Variants in AGTRAP observed in about 807,000 individuals in gnomAD.
AGTRAP encodes angiotensin II receptor associated protein.
Under a neutral mutation model 15.2 loss-of-function variants are expected in AGTRAP, and 7 were observed. The ratio of observed to expected loss-of-function variants is 0.46; its 90% CI spans 0.26 to 0.87. AGTRAP has a LOEUF of 0.87. Ranked by LOEUF, AGTRAP falls within the 40% of genes least tolerant of loss-of-function variation. AGTRAP has a pLI of 0.15. For synonymous variants in AGTRAP, 74 were observed against 89.6 expected (o/e 0.83, Z 0.98); for missense variants, 187 against 213.4 (o/e 0.88, Z 0.77).
chr1:11,741,712 G>T (rs923932023), intron 1 of AGTRAP, among the ~76,000 whole-genome samples: 1 of 152,166 alleles, frequency 6.6e-6, no homozygotes, highest in Admixed American at 6.5e-5. Flanking sequence ...GCTGTAAAAT[G>T]GGGATAATAA....
At chr1:11,741,437 G>T (rs1276873169) in intron 1 of AGTRAP, among the ~76,000 whole-genome samples, 2 of 152,346 alleles carry the variant, frequency 1.3e-5, no homozygotes, top group East Asian at 3.9e-4. Context: ...GCACACCTCT[G>T]ACTCCCCAGG....
intron 2 of AGTRAP, among the ~76,000 whole-genome samples, 190 bp from the exon 3 acceptor site, chr1:11,747,250 G>T (rs1336344160): frequency 6.6e-6 from 1 of 152,188 alleles, no homozygotes; most frequent in Non-Finnish European, 1.5e-5. Context: ...AGGTGCTTTG[G>T]ATCTACAGGG....
chr1:11,742,770 G>A (rs1247764536), intron 1 of AGTRAP, among the ~76,000 whole-genome samples: 1 of 152,120 alleles, frequency 6.6e-6, no homozygotes, highest in Admixed American at 6.5e-5. Context: ...GGCTCAAGCA[G>A]TCTTCTCCCT....
In AGTRAP at chr1:11,746,711, ACTTC is replaced by A. The variant is rs17875941; in HGVS notation, c.63-722_63-719del. 1,140 of 161,040 alleles carry A rather than the reference ACTTC, an allele frequency of 7.1e-3. 22 individuals are homozygous for A. The highest frequency in any genetic ancestry group is 0.025 in the African/African-American group (1,031 of 41,724). 10.0% of individuals were successfully genotyped at this position (161,040 alleles called of 1,614,324 possible). ...TCTCTAAAGTGAGGGTAACAATAAT[ACTTC>A]CTTCCTATGGTTATTAACATAAATG... is the stretch of plus-strand genomic sequence containing the variant. On this transcript the variant is annotated intron_variant, in intron 2 of 4. Coordinates refer to ENST00000314340, the MANE Select transcript of AGTRAP (RefSeq NM_020350.5).
intron 4 of AGTRAP, 104 bp from the exon 5 acceptor site, chr1:11,749,973 G>A: frequency 1.6e-5 from 13 of 807,692 alleles, no homozygotes; most frequent in Non-Finnish European, 2.7e-5. Flanking sequence ...GTGTCAGGAT[G>A]CCCAGCCCGA....
chr1:11,742,422 C>G (rs1642053456), intron 1 of AGTRAP, among the ~76,000 whole-genome samples: 1 of 149,536 alleles, frequency 6.7e-6, no homozygotes, highest in Admixed American at 6.7e-5. Context: ...TCCTTTCTTT[C>G]CCTTCTTTCC....
Position 11,748,401 on chromosome 1 carries a change from G to C in AGTRAP, c.169-14G>C. 1 of 1,611,608 alleles carries C rather than the reference G, an allele frequency of 6.2e-7. No individual in the cohort carries two copies. Among genetic ancestry groups the C allele is most frequent in the Non-Finnish European group, 8.5e-7 (1 of 1,178,638 alleles). ...GTGGGGGTGTTGTGCTCATCAGTGT[G>C]GTGTGTCTTGCAGTTTCTGGGTGGC... On this transcript the variant is annotated splice_polypyrimidine_tract_variant and intron_variant, in intron 3 of 4. Coordinates refer to ENST00000314340, the MANE Select transcript of AGTRAP (RefSeq NM_020350.5).
chr1:11,737,930 T>TGTCAG (rs17875915), intron 1 of AGTRAP, among the ~76,000 whole-genome samples: 2,183 of 152,306 alleles, frequency 0.014, 45 homozygotes, highest in African/African-American at 0.038. Flanking sequence ...GGGTCAGGGT[T>TGTCAG]GTCAGGTCGT....
intron 1 of AGTRAP, among the ~76,000 whole-genome samples, chr1:11,737,575 G>C (rs1641929398): frequency 6.6e-6 from 1 of 152,182 alleles, no homozygotes; most frequent in Admixed American, 6.5e-5. Flanking sequence ...CTTCAGCTTA[G>C]ACTGGGTAAA....
chr1:11,744,600 G>T (rs1387721810), intron 1 of AGTRAP: 2 of 714,140 alleles, frequency 2.8e-6, no homozygotes, highest in Non-Finnish European at 5.2e-6. Context: ...TCCCATCGAG[G>T]CCTCTTCTGA....
chr1:11,743,370 G>A (rs1442680423), intron 1 of AGTRAP, among the ~76,000 whole-genome samples: 2 of 150,476 alleles, frequency 1.3e-5, no homozygotes, highest in East Asian at 2.0e-4. Flanking sequence ...CTCAACTTCC[G>A]GAGTAGCTGG....
At chr1:11,740,180 CTT>C (rs770961191) in intron 1 of AGTRAP, among the ~76,000 whole-genome samples, 5 of 152,232 alleles carry the variant, frequency 3.3e-5, no homozygotes, top group Admixed American at 6.5e-5. Context: ...TCCTGTGTCT[CTT>C]TGGCTACCAG....
intron 1 of AGTRAP, among the ~76,000 whole-genome samples, chr1:11,742,158 G>A (rs1352055344): frequency 6.6e-6 from 1 of 152,232 alleles, no homozygotes; most frequent in African/African-American, 2.4e-5. Context: ...TTTTGGAGGC[G>A]AGTTTGAAAT....
In AGTRAP at chr1:11,743,492, T is replaced by C. The variant is rs181475617; in HGVS notation, c.28-2311T>C. ...AACTCCTGACCTCAAGTGATCCACC[T>C]GCCTTGGCCTCCCACAGTGCTGGGA... On this transcript the variant is annotated intron_variant, in intron 1 of 4. Transcript: ENST00000314340. Among the ~76,000 whole-genome samples, 776 of 151,978 alleles carry C rather than the reference T, an allele frequency of 5.1e-3. 7 individuals carry two copies. Among genetic ancestry groups the C allele is most frequent in the African/African-American group, 0.018 (747 of 41,470 alleles).
chr1:11,746,240 G>A (rs373818440), intron 2 of AGTRAP: 179 of 1,582,724 alleles, frequency 1.1e-4, no homozygotes, highest in Admixed American at 2.8e-4. Context: ...AATGTGAACT[G>A]TAACCATCAT....
intron 4 of AGTRAP, among the ~76,000 whole-genome samples, chr1:11,749,274 G>A (rs1315190954): frequency 6.6e-6 from 1 of 152,230 alleles, no homozygotes; most frequent in Non-Finnish European, 1.5e-5. Context: ...CTCTTTGAGA[G>A]GAGTGGAGGG....
intron 3 of AGTRAP, among the ~76,000 whole-genome samples, chr1:11,747,842 GTGGAACA>G (rs1040792137): frequency 6.6e-6 from 1 of 152,242 alleles, no homozygotes; most frequent in Admixed American, 6.5e-5. Context: ...CGCAAGAGCA[GTGGAACA>G]TCCCCTGTAA....
At chr1:11,738,347 C>G (rs1641948673) in intron 1 of AGTRAP, among the ~76,000 whole-genome samples, 1 of 152,200 alleles carries the variant, frequency 6.6e-6, no homozygotes, top group Non-Finnish European at 1.5e-5. Flanking sequence ...AGCTCCTGAC[C>G]AAGCCCTGTC....
At chr1:11,739,386 A>G (rs1313275715) in intron 1 of AGTRAP, among the ~76,000 whole-genome samples, 1 of 152,052 alleles carries the variant, frequency 6.6e-6, no homozygotes, top group Non-Finnish European at 1.5e-5. Flanking sequence ...CCCCACCTCT[A>G]CTAAAAATAC....
Sources: allele counts gnomAD v4.1 joint callset (sites outside exome capture counted in the v4.1 genomes callset), GRCh38; gene constraint gnomAD v4.1.1; transcripts MANE v1.5; gene names NCBI Gene and HGNC (gene_info 2026-07-23, HGNC 2026-07-21).